Variants in HOMER2 observed in about 807,000 individuals in gnomAD.
HOMER2 encodes homer scaffold protein 2.
Under a neutral mutation model 47.0 loss-of-function variants are expected in HOMER2, and 27 were observed. That is an observed-to-expected ratio of 0.57 (90% CI 0.42 to 0.79). HOMER2 has a LOEUF of 0.79. Among genes scored for constraint, HOMER2 ranks in the 30% least tolerant of loss-of-function variants. HOMER2 has a pLI of 0.00. For missense variants in HOMER2, 443 were observed against 435.0 expected, an observed-to-expected ratio of 1.02 and a Z score of -0.16; for synonymous variants, 161 against 163.8, an observed-to-expected ratio of 0.98 and a Z score of 0.13.
At chr15:82,927,539 T>A (rs1021416701) in intron 1 of HOMER2, among the ~76,000 whole-genome samples, 3 of 152,242 alleles carry the variant, frequency 2.0e-5, no homozygotes, top group African/African-American at 7.2e-5. Context: ...ATATTTTATA[T>A]TCCATAATTG....
intron 1 of HOMER2, among the ~76,000 whole-genome samples, chr15:82,900,064 C>A (rs1417735539): frequency 6.6e-6 from 1 of 151,946 alleles, no homozygotes; most frequent in Admixed American, 6.6e-5. Flanking sequence ...CCAAAAATCC[C>A]ATTTACAGTA....
chr15:82,868,259 A>ATTCTGTAGGT (rs2052043947), intron 3 of HOMER2, among the ~76,000 whole-genome samples: 1 of 151,376 alleles, frequency 6.6e-6, no homozygotes, highest in African/African-American at 2.4e-5. Context: ...GTTTGCAAAA[A>ATTCTGTAGGT]TGTTCTCCCA....
chr15:82,950,867 T>C (rs560593512), intron 1 of HOMER2, among the ~76,000 whole-genome samples: 8 of 152,368 alleles, frequency 5.3e-5, no homozygotes, highest in African/African-American at 1.9e-4. Flanking sequence ...ACAGAACTAT[T>C]TGATCTCAAC....
At chr15:82,846,865 A>G (rs2051257669), downstream of HOMER2, 1 of 152,256 alleles carries the variant, frequency 6.6e-6, no homozygotes, top group African/African-American at 2.4e-5. Flanking sequence ...GCCACTCCCA[A>G]CTTTAAAATG....
At chr15:82,840,222 ATAAT>A (rs2051162936) in exon 2 of HOMER2, 1 of 152,168 alleles carries the variant, frequency 6.6e-6, no homozygotes. Context: ...AGGTGGGAAA[ATAAT>A]AAAGGAAAAA....
At chr15:82,859,247 C>G (rs1421027854) in intron 4 of HOMER2, 112 bp from the exon 5 acceptor site, 2 of 1,493,868 alleles carry the variant, frequency 1.3e-6, no homozygotes, top group Non-Finnish European at 1.8e-6. Flanking sequence ...AGAAACTTTA[C>G]GAGTGTGGAC....
At chr15:82,870,004 A>T (rs2052124927) in intron 3 of HOMER2, among the ~76,000 whole-genome samples, 1 of 152,194 alleles carries the variant, frequency 6.6e-6, no homozygotes. Context: ...AAATTCTCAC[A>T]TCTTCATTAA....
intron 2 of HOMER2, among the ~76,000 whole-genome samples, chr15:82,880,275 T>A (rs1044069042): frequency 4.6e-5 from 7 of 152,348 alleles, no homozygotes; most frequent in African/African-American, 1.2e-4. Flanking sequence ...AAAACTTTTT[T>A]AAAAATTACT....
chr15:82,908,999 G>A (rs2053373798), intron 1 of HOMER2, among the ~76,000 whole-genome samples: 1 of 152,078 alleles, frequency 6.6e-6, no homozygotes, highest in African/African-American at 2.4e-5. Flanking sequence ...CTCAGGGAGG[G>A]TCTGCAGAGA....
intron 1 of HOMER2, among the ~76,000 whole-genome samples, chr15:82,917,624 G>A (rs1260416367): frequency 1.3e-5 from 2 of 152,184 alleles, no homozygotes; most frequent in African/African-American, 4.8e-5. Flanking sequence ...AGAATATTAT[G>A]AGATTGAGGC....
At chr15:82,917,950 G>A (rs1346211286) in intron 1 of HOMER2, among the ~76,000 whole-genome samples, 3 of 152,124 alleles carry the variant, frequency 2.0e-5, no homozygotes, top group South Asian at 2.1e-4. Context: ...GTTTAGGGGC[G>A]AGACTGCTGC....
At chr15:82,921,496 C>T (rs184914335) in intron 1 of HOMER2, among the ~76,000 whole-genome samples, 9 of 152,312 alleles carry the variant, frequency 5.9e-5, no homozygotes, top group East Asian at 1.9e-4. Context: ...CCTGGATGCA[C>T]GCCAGACCAA....
At chr15:82,932,193 G>T (rs915640217) in intron 1 of HOMER2, among the ~76,000 whole-genome samples, 1 of 152,090 alleles carries the variant, frequency 6.6e-6, no homozygotes, top group Non-Finnish European at 1.5e-5. Flanking sequence ...GCTCATTCCC[G>T]AGTAAGATGT....
chr15:82,863,020 T>C (rs1042501145), intron 4 of HOMER2, among the ~76,000 whole-genome samples: 1 of 152,082 alleles, frequency 6.6e-6, no homozygotes, highest in African/African-American at 2.4e-5. Context: ...ACTGGGCCTA[T>C]TTCCTAGGGC....
intron 1 of HOMER2, among the ~76,000 whole-genome samples, chr15:82,918,058 C>G (rs1425235443): frequency 6.6e-6 from 1 of 152,118 alleles, no homozygotes; most frequent in Non-Finnish European, 1.5e-5. Context: ...AACACCTGGG[C>G]AGCAAATGGC....
At chr15:82,944,404 A>T (rs947723677) in intron 1 of HOMER2, among the ~76,000 whole-genome samples, 3 of 152,216 alleles carry the variant, frequency 2.0e-5, no homozygotes, top group African/African-American at 7.2e-5. Context: ...AACCAATGCA[A>T]ATTAGAAGCT....
chr15:82,915,302 T>C (rs532006670), intron 1 of HOMER2, among the ~76,000 whole-genome samples: 1 of 152,312 alleles, frequency 6.6e-6, no homozygotes, highest in Admixed American at 6.5e-5. Context: ...AATTTTGCCA[T>C]AATTTTTTTA....
chr15:82,980,470 C>T (rs1020997776), intron 1 of HOMER2, among the ~76,000 whole-genome samples: 1 of 152,194 alleles, frequency 6.6e-6, no homozygotes, highest in Non-Finnish European at 1.5e-5. Context: ...TTTCCCCTTG[C>T]TCCTGTGTTC....
In HOMER2 at chr15:82,937,784, G is replaced by A. The variant is rs370239817; in HGVS notation, c.5+14747C>T. ...AGGGCTGTGGATGGCAAAGCACTCCGAGTCCGATCAGGGTGGCTGTCCCTG... is the reference window on the plus strand; with the variant it reads ...AGGGCTGTGGATGGCAAAGCACTCCAAGTCCGATCAGGGTGGCTGTCCCTG... On this transcript the variant is annotated intron_variant, in intron 1 of 8. Coordinates refer to ENST00000450735, the MANE Select transcript of HOMER2 (RefSeq NM_004839.4). 2.0e-4 allele frequency among the ~76,000 whole-genome samples: 31 copies of A among 152,290 alleles called. No homozygotes were observed. The East Asian group carries it at 3.9e-3, about 19-fold the overall frequency.
Sources: allele counts gnomAD v4.1 joint callset (sites outside exome capture counted in the v4.1 genomes callset), GRCh38; gene constraint gnomAD v4.1.1; transcripts MANE v1.5; gene names NCBI Gene and HGNC (gene_info 2026-07-23, HGNC 2026-07-21).